The following FKBP5 variants were observed in gnomAD, a reference collection of about 807,000 sequenced individuals.
The protein encoded by FKBP5 is peptidyl-prolyl cis-trans isomerase FKBP5.
A neutral mutation model predicts 50.5 loss-of-function variants in FKBP5; 23 were observed. The observed-to-expected ratio is 0.46, with a 90% confidence interval of 0.33 to 0.65. FKBP5 has a LOEUF of 0.65. FKBP5 is among the 30% of genes least tolerant of loss of function. The pLI, the probability that FKBP5 is intolerant of heterozygous loss-of-function variation, is 0.02. For missense variants in FKBP5, 411 were observed against 553.1 expected, an observed-to-expected ratio of 0.74 and a Z score of 2.58; for synonymous variants, 176 against 190.6, an observed-to-expected ratio of 0.92 and a Z score of 0.63.
At chr6:35,653,298 C>G (rs1764862766) in intron 1 of FKBP5, among the ~76,000 whole-genome samples, 1 of 152,124 alleles carries the variant, frequency 6.6e-6, no homozygotes, top group Non-Finnish European at 1.5e-5. Flanking sequence ...GGAGGCTGCA[C>G]TGAGCTTTGA....
chr6:35,597,347 G>A lies in FKBP5; in HGVS notation c.566C>T (p.Thr189Ile), dbSNP rs765599833. ...RMFDCRDVAF[T>I]VGEGEDHDIP... is the part of the protein sequence containing the mutation. ...GTCGTGGTCTTCTCCTTCGCCCACAGTGAATGCCACATCTCTGCAGTCAAA... is the reference window on the plus strand; with the variant it reads ...GTCGTGGTCTTCTCCTTCGCCCACAATGAATGCCACATCTCTGCAGTCAAA... The change falls in exon 6 of 11, where the codon ACT becomes ATT. Residue 189 changes from threonine to isoleucine, a missense_variant. Physicochemically the swap from Thr to Ile is moderately conservative, Grantham distance 89. Coordinates refer to ENST00000357266, the MANE Select transcript of FKBP5 (RefSeq NM_004117.4). 6.2e-7 allele frequency: 1 copy of A among 1,614,194 alleles called. No individual in the cohort carries two copies. Among genetic ancestry groups the A allele is most frequent in the Non-Finnish European group, 8.5e-7 (1 of 1,180,024 alleles).
At chr6:35,719,681 G>C (rs1053675888) in intron 2 of FKBP5, among the ~76,000 whole-genome samples, 1 of 152,126 alleles carries the variant, frequency 6.6e-6, no homozygotes, top group South Asian at 2.1e-4. Flanking sequence ...AGGGCACCTC[G>C]ACTCCAGACA....
At chr6:35,584,658 C>A (rs1762546526) in intron 8 of FKBP5, 1 of 985,370 alleles carries the variant, frequency 1.0e-6, no homozygotes, top group Non-Finnish European at 1.2e-6. Flanking sequence ...TATAAAGGTG[C>A]CTCCAGGGAA....
intron 3 of FKBP5, among the ~76,000 whole-genome samples, chr6:35,627,493 A>T (rs1206997025): frequency 6.6e-6 from 1 of 152,034 alleles, no homozygotes; most frequent in African/African-American, 2.4e-5. Flanking sequence ...GAGTTATAGG[A>T]GTTGTTTGTG....
At chr6:35,586,423 A>G (rs1762600584) in intron 8 of FKBP5, 1 of 985,366 alleles carries the variant, frequency 1.0e-6, no homozygotes. Flanking sequence ...AAATTTGTGC[A>G]TGTCCTCTCT....
intron 5 of FKBP5, among the ~76,000 whole-genome samples, chr6:35,601,763 C>T (rs563785825): frequency 1.1e-4 from 17 of 152,138 alleles, no homozygotes; most frequent in African/African-American, 4.1e-4. Context: ...GCATGATTTA[C>T]GGGAAGTAAA....
chr6:35,605,034 C>T (rs1039215722), intron 5 of FKBP5, among the ~76,000 whole-genome samples: 1 of 152,094 alleles, frequency 6.6e-6, no homozygotes, highest in Non-Finnish European at 1.5e-5. Flanking sequence ...CCACGTGCCT[C>T]GGCCTCCCAA....
chr6:35,582,174 C>T lies in FKBP5; in HGVS notation c.841-1953G>A, dbSNP rs1435734722. 5 of 985,264 alleles carry T rather than the reference C, an allele frequency of 5.1e-6. No homozygotes were observed. The African/African-American group carries it at 8.7e-5, about 17-fold the overall frequency. The allele number at this position is 985,264 out of a possible 1,614,324, so 61.0% of individuals were successfully genotyped here. A position where few individuals can be genotyped will look rare whatever the true frequency, so the allele number is the denominator to read the frequency against. On this transcript the variant is annotated intron_variant, in intron 8 of 10. Coordinates refer to ENST00000357266, the MANE Select transcript of FKBP5 (RefSeq NM_004117.4). ...AGTCACTCACTTAGGAGAGGGAAGA[C>T]TGGCACTAAAATCAAAGTCTGTCAC...
At chr6:35,655,531 T>C (rs1021783104) in intron 1 of FKBP5, among the ~76,000 whole-genome samples, 1 of 152,196 alleles carries the variant, frequency 6.6e-6, no homozygotes, top group Non-Finnish European at 1.5e-5. Flanking sequence ...GAAAAGTCTA[T>C]AAACACTATA....
intron 1 of FKBP5, among the ~76,000 whole-genome samples, chr6:35,723,460 G>A (rs1766649467): frequency 6.6e-6 from 1 of 152,050 alleles, no homozygotes; most frequent in Non-Finnish European, 1.5e-5. Context: ...AATGGAAGAT[G>A]CTTCCTGGGA....
chr6:35,582,643 T>C, intron 8 of FKBP5: 3 of 982,840 alleles, frequency 3.1e-6, no homozygotes, highest in Non-Finnish European at 3.6e-6. Flanking sequence ...AGCCACCCAG[T>C]GTATGGTATT....
intron 2 of FKBP5, among the ~76,000 whole-genome samples, chr6:35,642,484 T>A (rs1371138639): frequency 2.6e-5 from 4 of 152,028 alleles, no homozygotes; most frequent in African/African-American, 9.7e-5. Context: ...CTCAGGAAGC[T>A]GAGATGGGAA....
intron 3 of FKBP5, among the ~76,000 whole-genome samples, chr6:35,625,344 C>G (rs895063040): frequency 6.6e-6 from 1 of 152,088 alleles, no homozygotes; most frequent in Non-Finnish European, 1.5e-5. Flanking sequence ...CTCGGCCTCC[C>G]GAAGTGCTGG....
chr6:35,611,860 C>T (rs1763502862), intron 5 of FKBP5, among the ~76,000 whole-genome samples: 1 of 152,174 alleles, frequency 6.6e-6, no homozygotes, highest in Non-Finnish European at 1.5e-5. Context: ...TAAGTTTTCT[C>T]TTCCACACAG....
rs2150949070 is a variant in FKBP5, at chr6:35,577,196, T to A, written c.1064A>T (p.Tyr355Phe). The change falls in exon 10 of 11, where the codon TAT becomes TTT. Residue 355 changes from tyrosine to phenylalanine, a missense_variant. Physicochemically the swap from Tyr to Phe is conservative, Grantham distance 22 (BLOSUM62 3). Coordinates refer to ENST00000357266, the MANE Select transcript of FKBP5 (RefSeq NM_004117.4). ...GAGCAGCTGGGCTTCACCCCTCCTA[T>A]ACAAGCCTTTCTCATTGGCACTGTC... ...GLDSANEKGLYRRGEAQLLMN... is the reference protein window; with the variant it reads ...GLDSANEKGLFRRGEAQLLMN... The A allele has an allele frequency of 6.2e-7, 1 of 1,613,316 alleles. No homozygotes were observed. Among genetic ancestry groups the A allele is most frequent in the Non-Finnish European group, 8.5e-7 (1 of 1,179,504 alleles).
chr6:35,646,008 C>T (rs1462567138), intron 1 of FKBP5, among the ~76,000 whole-genome samples: 3 of 152,038 alleles, frequency 2.0e-5, no homozygotes, highest in East Asian at 1.9e-4. Context: ...CCCAGCTACT[C>T]GGGTGGCTGA....
At chr6:35,609,635 C>T (rs986629189) in intron 5 of FKBP5, among the ~76,000 whole-genome samples, 1 of 152,192 alleles carries the variant, frequency 6.6e-6, no homozygotes, top group Non-Finnish European at 1.5e-5. Flanking sequence ...TATTACCTCT[C>T]CTGGATTTAT....
chr6:35,605,083 C>A (rs769612791), intron 5 of FKBP5, among the ~76,000 whole-genome samples: 1 of 151,970 alleles, frequency 6.6e-6, no homozygotes, highest in Non-Finnish European at 1.5e-5. Context: ...GTGCCCGGCC[C>A]GTGTTTTCTT....
At chr6:35,643,106 A>G (rs912602260) in intron 1 of FKBP5, among the ~76,000 whole-genome samples, 1 of 152,212 alleles carries the variant, frequency 6.6e-6, no homozygotes, top group Non-Finnish European at 1.5e-5. Context: ...GGTAGTGATT[A>G]CATTCCTTAA....
Sources: allele counts gnomAD v4.1 joint callset (sites outside exome capture counted in the v4.1 genomes callset), GRCh38; gene constraint gnomAD v4.1.1; transcripts MANE v1.5; gene names NCBI Gene and HGNC (gene_info 2026-07-23, HGNC 2026-07-21).